The following ABI2 variants were observed in gnomAD, a reference collection of about 807,000 sequenced individuals.
ABI2 encodes the protein abl interactor 2, also known as abelson interactor 2.
In ABI2, 25 loss-of-function variants were observed where a neutral mutation model predicts 59.2. The ratio of observed to expected loss-of-function variants is 0.42; its 90% confidence interval spans 0.31 to 0.59. The LOEUF is 0.59. Ranked by LOEUF, ABI2 falls within the 20% of genes least tolerant of loss-of-function variation. The pLI is 0.14. For synonymous variants in ABI2, 213 were observed against 235.5 expected, an observed-to-expected ratio of 0.90 and a Z score of 0.87; for missense variants, 545 against 681.8, an observed-to-expected ratio of 0.80 and a Z score of 2.23.
In ABI2 at chr2:203,404,773, G is replaced by A. The variant is rs571567169; in HGVS notation, c.1192+2039G>A. Among the ~76,000 whole-genome samples, 6 of 152,266 alleles carry A rather than the reference G, an allele frequency of 3.9e-5. No homozygotes were observed. The East Asian group carries it at 1.2e-3, about 29-fold the overall frequency. On this transcript the variant is annotated intron_variant, in intron 9 of 11. Coordinates refer to ENST00000261018, the MANE Select transcript of ABI2 (RefSeq NM_001375670.1). ...AGGGTTTCACCATATCGGCCAAGCTGGTCTTGAACTCCTGACCTCAAGTCA... is the reference window on the plus strand; with the variant it reads ...AGGGTTTCACCATATCGGCCAAGCTAGTCTTGAACTCCTGACCTCAAGTCA...
chr2:203,405,782 G>C (rs1007338112), intron 9 of ABI2, among the ~76,000 whole-genome samples: 1 of 151,998 alleles, frequency 6.6e-6, no homozygotes, highest in South Asian at 2.1e-4. Flanking sequence ...ATCTTTGGAA[G>C]GTTTCATGTG....
intron 4 of ABI2, among the ~76,000 whole-genome samples, chr2:203,387,904 G>T (rs1242408493): frequency 6.6e-6 from 1 of 152,042 alleles, no homozygotes; most frequent in Non-Finnish European, 1.5e-5. Flanking sequence ...CTCATGTTTT[G>T]CTACTTGTCA....
chr2:203,363,431 CACTT>C (rs1276253747), intron 1 of ABI2, among the ~76,000 whole-genome samples: 3 of 152,034 alleles, frequency 2.0e-5, no homozygotes, highest in Non-Finnish European at 4.4e-5. Flanking sequence ...TAACCATTCT[CACTT>C]ACCCCTACCT....
chr2:203,382,031 A>T (rs1408903667), intron 3 of ABI2, among the ~76,000 whole-genome samples, 158 bp from the exon 4 acceptor site: 1 of 152,174 alleles, frequency 6.6e-6, no homozygotes, highest in Admixed American at 6.5e-5. Context: ...TTCTGCTTTA[A>T]CCACTCTTTC....
intron 1 of ABI2, among the ~76,000 whole-genome samples, chr2:203,362,960 A>T (rs1259334980): frequency 6.6e-6 from 1 of 151,974 alleles, no homozygotes; most frequent in Non-Finnish European, 1.5e-5. Context: ...CCTCCTGAGG[A>T]GCTGGGACTA....
At position 203,420,872 on chromosome 2, in the gene ABI2, G is replaced by C. The variant is rs543120218; in HGVS notation, c.1453+3791G>C. Among the ~76,000 whole-genome samples, 9 of 149,192 alleles carry C rather than the reference G, an allele frequency of 6.0e-5. No individual in the cohort carries two copies. The East Asian group carries it at 1.9e-3, about 31-fold the overall frequency. ...GAATAGGAGTTTCTCAGGCAGAGAAGAGAGAAAGGAAGGGCCTTCCAAGCT... is the reference window on the plus strand; with the variant it reads ...GAATAGGAGTTTCTCAGGCAGAGAACAGAGAAAGGAAGGGCCTTCCAAGCT... On this transcript the variant is annotated intron_variant, in intron 11 of 11. Transcript: ENST00000261018.
chr2:203,343,908 T>C (rs1265358044), intron 1 of ABI2, among the ~76,000 whole-genome samples: 1 of 152,078 alleles, frequency 6.6e-6, no homozygotes, highest in Non-Finnish European at 1.5e-5. Context: ...GGTGGGAGGA[T>C]TGCTTGAGCC....
intron 4 of ABI2, among the ~76,000 whole-genome samples, chr2:203,382,912 C>G (rs540631579): frequency 6.6e-6 from 1 of 152,136 alleles, no homozygotes; most frequent in East Asian, 1.9e-4. Flanking sequence ...AACAGAATAT[C>G]AGTTAAGAAT....
At chr2:203,370,008 A>G (rs1200820498) in intron 2 of ABI2, among the ~76,000 whole-genome samples, 3 of 152,108 alleles carry the variant, frequency 2.0e-5, no homozygotes, top group African/African-American at 7.2e-5. Flanking sequence ...CTGGAATATT[A>G]TTCTCTAGTG....
intron 4 of ABI2, among the ~76,000 whole-genome samples, chr2:203,386,366 C>T (rs149387073): frequency 0.035 from 5,324 of 150,072 alleles, 138 homozygotes; most frequent in Non-Finnish European, 0.054. Flanking sequence ...TCACTGTATC[C>T]TTGGGCTCAA....
In ABI2 at chr2:203,416,986, A is replaced by T. The variant is rs1449520586; in HGVS notation, c.1358A>T (p.Glu453Val). Residue 453 changes from glutamate to valine, a missense_variant, in exon 11 of 12, where the codon GAA becomes GTA. Physicochemically the swap from Glu to Val is moderately radical, Grantham distance 121. Around this residue, in one of 4 missense-constraint regions of ABI2, gnomAD observed 410 missense variants for 435.6 expected, o/e 0.94. Transcript: ENST00000261018. The stretch of plus-strand genomic sequence containing the variant: ...TCTCCCCCACCTCCTCCTCCTCCAG[A>T]AGATTACGAAGAGGAGGAAGCTGCT... ...DESPPPPPPP[E>V]DYEEEEAAVV... The T allele has an allele frequency of 5.0e-6, 8 of 1,614,104 alleles. No individual in the cohort carries two copies. The highest frequency in any genetic ancestry group is 6.8e-6 in the Non-Finnish European group (8 of 1,179,986).
At chr2:203,395,987 T>C (rs2096965524) in intron 7 of ABI2, among the ~76,000 whole-genome samples, 1 of 152,240 alleles carries the variant, frequency 6.6e-6, no homozygotes, top group Admixed American at 6.5e-5. Flanking sequence ...TTTGGTGATG[T>C]GGCTCAGTTG....
At chr2:203,332,619 T>C (rs952410270) in intron 1 of ABI2, among the ~76,000 whole-genome samples, 2 of 152,192 alleles carry the variant, frequency 1.3e-5, no homozygotes, top group African/African-American at 2.4e-5. Context: ...AGCAAGACTC[T>C]GTCTCAAAAA....
At chr2:203,419,155 G>A (rs919065736) in intron 11 of ABI2, among the ~76,000 whole-genome samples, 1 of 149,072 alleles carries the variant, frequency 6.7e-6, no homozygotes, top group South Asian at 2.1e-4. Flanking sequence ...TGTTGCCCAG[G>A]CTGGAGTGCA....
At chr2:203,399,000 T>C (rs1192235924) in intron 8 of ABI2, among the ~76,000 whole-genome samples, 1 of 152,204 alleles carries the variant, frequency 6.6e-6, no homozygotes, top group Non-Finnish European at 1.5e-5. Context: ...ATAAAGTTGC[T>C]ATAAACATGT....
At chr2:203,362,924 G>C (rs2152932236) in intron 1 of ABI2, among the ~76,000 whole-genome samples, 1 of 152,204 alleles carries the variant, frequency 6.6e-6, no homozygotes, top group South Asian at 2.1e-4. Context: ...CTCACCTCCT[G>C]AGTTCAAGTG....
At position 203,396,840 on chromosome 2, in the gene ABI2, T is replaced by C; in HGVS notation, c.906T>C (p.Pro302=). The change falls in exon 8 of 12, where the codon CCT becomes CCC. Residue 302 remains proline, a synonymous_variant. Transcript: ENST00000261018. ...PPLPATSASA[P]APLVPATVPS... Reference sequence around the variant, plus strand: ...TTCCTGCTACTTCTGCATCTGCCCCTGCTCCTCTTGTTCCTGCTACTGTCC... The same window carrying C: ...TTCCTGCTACTTCTGCATCTGCCCCCGCTCCTCTTGTTCCTGCTACTGTCC... 6.5e-7 allele frequency: 1 copy of C among 1,535,388 alleles called. No individual in the cohort carries two copies. The highest frequency in any genetic ancestry group is 1.2e-5 in the South Asian group (1 of 83,870).
chr2:203,420,683 A>G (rs1238265009), intron 11 of ABI2, among the ~76,000 whole-genome samples: 1 of 152,112 alleles, frequency 6.6e-6, no homozygotes, highest in Non-Finnish European at 1.5e-5. Flanking sequence ...GTGAGCCACC[A>G]CGCCCAGCCG....
rs2098476095 is a variant in ABI2 at position 203,430,651 on chromosome 2, G to C, written c.*3299G>C. The C allele has an allele frequency of 6.6e-6, 1 of 152,156 alleles. No homozygotes were observed. Among genetic ancestry groups the C allele is most frequent in the Non-Finnish European group, 1.5e-5 (1 of 68,030 alleles). 9.4% of individuals were successfully genotyped at this position (152,156 alleles called of 1,614,324 possible). A position where few individuals can be genotyped will look rare whatever the true frequency, so the allele number is the denominator to read the frequency against. The stretch of plus-strand genomic sequence containing the variant: ...ATTTAGCTACTTCCTATCTCCCTCA[G>C]AGGCGCCTGCTGTTCCCATTTTAGA... On this transcript the variant is annotated 3_prime_UTR_variant, in exon 12 of 12. Transcript: ENST00000261018.
Sources: allele counts gnomAD v4.1 joint callset (sites outside exome capture counted in the v4.1 genomes callset), GRCh38; gene constraint gnomAD v4.1.1; regional missense constraint gnomAD v4.1.1; transcripts MANE v1.5; gene names NCBI Gene and HGNC (gene_info 2026-07-23, HGNC 2026-07-21).